Variants in MLXIPL observed in about 807,000 individuals in gnomAD.
The protein encoded by MLXIPL is MLX interacting protein like, also known as carbohydrate-responsive element-binding protein.
MLXIPL carries 49 observed loss-of-function variants against 81.5 expected under a neutral mutation model. The ratio of observed to expected loss-of-function variants is 0.60; its 90% CI spans 0.48 to 0.76. The LOEUF (loss-of-function observed/expected upper bound fraction) is 0.76, where lower values mean the gene tolerates loss of function less well. MLXIPL is among the 30% of genes least tolerant of loss of function. The pLI is 0.00. For synonymous variants in MLXIPL, 466 were observed against 485.5 expected (o/e 0.96, Z 0.53); for missense variants, 1,053 against 1,167.0 (o/e 0.90, Z 1.42).
chr7:73,605,880 C>T lies in MLXIPL; in HGVS notation c.820+30G>A, dbSNP rs6967107. 4 of 1,567,708 alleles carry T rather than the reference C, an allele frequency of 2.6e-6. No individual in the cohort carries two copies. In the Admixed American group the frequency reaches 7.6e-5, roughly 30 times the overall value. On this transcript the variant is annotated intron_variant, in intron 6 of 16. Transcript: ENST00000313375. ...TCCTGGAATCTCACAGGCCTTCACC[C>T]CTCTCCCCTGCCCTTTCTCAGACCC...
chr7:73,609,510 A>T (rs2116390968), intron 2 of MLXIPL: 1 of 151,998 alleles, frequency 6.6e-6, no homozygotes, highest in Admixed American at 6.6e-5. Flanking sequence ...CTCCCAAAGC[A>T]CTGGGATTAC....
chr7:73,620,871 T>G (rs1231085249), intron 1 of MLXIPL, among the ~76,000 whole-genome samples: 1 of 151,954 alleles, frequency 6.6e-6, no homozygotes, highest in Admixed American at 6.6e-5. Flanking sequence ...GCCAACATGG[T>G]GAAACCTCGT....
In MLXIPL at chr7:73,602,605, G is replaced by A. The variant is rs144013722; in HGVS notation, c.902-2910C>T. 8.1e-3 allele frequency among the ~76,000 whole-genome samples: 1,227 copies of A among 152,090 alleles called. 18 individuals carry two copies. Among genetic ancestry groups the A allele is most frequent in the African/African-American group, 0.028 (1,152 of 41,508 alleles). The stretch of plus-strand genomic sequence containing the variant: ...TGAGACAGGAGAATTGCTTGAACCC[G>A]GGAGGTGGGGGTTGCAGTGAGCCAA... On this transcript the variant is annotated intron_variant, in intron 7 of 16. Coordinates refer to ENST00000313375, the MANE Select transcript of MLXIPL (RefSeq NM_032951.3).
At chr7:73,614,593 T>G in intron 2 of MLXIPL, among the ~76,000 whole-genome samples, 1 of 152,166 alleles carries the variant, frequency 6.6e-6, no homozygotes, top group East Asian at 1.9e-4. Flanking sequence ...GAACCTGACC[T>G]GAATGAGGTC....
At chr7:73,616,872 A>C in intron 1 of MLXIPL, among the ~76,000 whole-genome samples, 1 of 144,508 alleles carries the variant, frequency 6.9e-6, no homozygotes, top group Non-Finnish European at 1.5e-5. Context: ...AAAAAAAAAG[A>C]CCTTCCTGAG....
Position 73,617,705 on chromosome 7 carries a change from G to A in MLXIPL, c.294-1528C>T, listed in dbSNP as rs72649047. Reference sequence around the variant, plus strand: ...ACAAAATAATTTTAAAATTAGCCGGGTGTGGTGGCATGCACCTATAGTCCT... The same window carrying A: ...ACAAAATAATTTTAAAATTAGCCGGATGTGGTGGCATGCACCTATAGTCCT... On this transcript the variant is annotated intron_variant, in intron 1 of 16. Coordinates refer to ENST00000313375, the MANE Select transcript of MLXIPL (RefSeq NM_032951.3). 5.9e-3 allele frequency among the ~76,000 whole-genome samples: 890 copies of A among 152,132 alleles called. 1 individual carries two copies. Among genetic ancestry groups the A allele is most frequent in the Non-Finnish European group, 8.9e-3 (602 of 67,976 alleles).
intron 7 of MLXIPL, among the ~76,000 whole-genome samples, chr7:73,605,073 T>C (rs1185465561): frequency 1.3e-5 from 2 of 151,462 alleles, no homozygotes; most frequent in Non-Finnish European, 2.9e-5. Context: ...GCCTAGCAAA[T>C]AGTTTTAAAA....
chr7:73,635,625 T>C, the MLXIPL span, among the ~76,000 whole-genome samples: 1 of 151,812 alleles, frequency 6.6e-6, no homozygotes, highest in East Asian at 1.9e-4. Context: ...TCTCTCTCCA[T>C]CCACCCATCT....
the MLXIPL span, among the ~76,000 whole-genome samples, chr7:73,630,191 G>T: frequency 6.6e-6 from 1 of 150,500 alleles, no homozygotes; most frequent in African/African-American, 2.4e-5. Flanking sequence ...TACAGGCGGG[G>T]TTTCACTGTG....
chr7:73,596,956 G>A lies in MLXIPL; in HGVS notation c.1604-24C>T, dbSNP rs372267700. ...AGCTGTGCACGGGCAGAACCGTGAG[G>A]CTACTGGGGCTGGCCCACCCCCGGC... On this transcript the variant is annotated intron_variant, in intron 9 of 16. Coordinates refer to ENST00000313375, the MANE Select transcript of MLXIPL (RefSeq NM_032951.3). This position sits in a 1 kb window ranked among gnomAD's most constrained non-coding sequence, Gnocchi z 4.7. 4 of 1,599,688 alleles carry A rather than the reference G, an allele frequency of 2.5e-6. No individual in the cohort carries two copies. In the African/African-American group the frequency reaches 5.4e-5, roughly 21 times the overall value.
At chr7:73,599,003 G>A (rs910161015) in intron 8 of MLXIPL, among the ~76,000 whole-genome samples, 8 of 151,374 alleles carry the variant, frequency 5.3e-5, no homozygotes, top group African/African-American at 1.9e-4. Context: ...GGGAGGCGGA[G>A]GTTACAGTGA....
At position 73,624,284 on chromosome 7, in the gene MLXIPL, C is replaced by T. The variant is rs377214079; in HGVS notation, c.209G>A (p.Gly70Glu). The T allele has an allele frequency of 1.3e-6, 2 of 1,587,576 alleles. No homozygotes were observed. The highest frequency in any genetic ancestry group is 1.7e-6 in the Non-Finnish European group (2 of 1,168,662). ...DSLPRRRDQE[G>E]SVGPSDFGPR... The stretch of plus-strand genomic sequence containing the variant: ...CCCGAAGTCGGAGGGCCCCACGGAC[C>T]CCTCCTGGTCGCGCCGCCGGGGCAG... Residue 70 changes from glycine (G) to glutamate (E), a missense_variant, in exon 1 of 17, where the codon GGG becomes GAG. Physicochemically the swap from Gly to Glu is moderately conservative, Grantham distance 98 (BLOSUM62 -2). Transcript: ENST00000313375.
chr7:73,641,631 A>G, the MLXIPL span, among the ~76,000 whole-genome samples: 3 of 151,902 alleles, frequency 2.0e-5, no homozygotes, highest in Non-Finnish European at 2.9e-5. Context: ...CAATTCTGAC[A>G]CTTTTTTTTG....
rs782795977 is a variant in MLXIPL at position 73,599,638 on chromosome 7, G to A, written c.959C>T (p.Pro320Leu). The change falls in exon 8 of 17, where the codon CCC becomes CTC. Residue 320 changes from proline (P) to leucine (L), a missense_variant. Transcript: ENST00000313375. ...GTCAACCACGGGGCTGAAGCTGGGG[G>A]GCTCTGGGAAGTTTGAAGGCATGGG... ...QPPMPSNFPE[P>L]PSFSPVVDSL... is the part of the protein sequence containing the mutation. 6.2e-7 allele frequency: 1 copy of A among 1,609,186 alleles called. No homozygotes were observed. Among genetic ancestry groups the A allele is most frequent in the Non-Finnish European group, 8.5e-7 (1 of 1,177,406 alleles).
At chr7:73,642,151 A>G in the MLXIPL span, among the ~76,000 whole-genome samples, 2 of 152,090 alleles carry the variant, frequency 1.3e-5, no homozygotes, top group Non-Finnish European at 2.9e-5. Context: ...TTTTACTTAC[A>G]TTTATCAGTT....
At position 73,596,364 on chromosome 7, in the gene MLXIPL, C is replaced by T; in HGVS notation, c.1938G>A (p.Lys646=). The T allele has an allele frequency of 6.2e-7, 1 of 1,610,966 alleles. No individual in the cohort carries two copies. The highest frequency in any genetic ancestry group is 1.1e-5 in the South Asian group (1 of 90,972). Residue 646 remains lysine (K), a splice_region_variant and synonymous_variant, in exon 12 of 17, where the codon AAG becomes AAA. Coordinates refer to ENST00000313375, the MANE Select transcript of MLXIPL (RefSeq NM_032951.3). The surrounding 1 kb of genome is among the most constrained non-coding windows in gnomAD (Gnocchi z 4.7). Reference sequence around the variant, plus strand: ...TCTTGGGGTGGGGGATGGTGCCCACCTTGTTGCTGTCTGGACGGCCCCGGC... The same window carrying T: ...TCTTGGGGTGGGGGATGGTGCCCACTTTGTTGCTGTCTGGACGGCCCCGGC... ...ILSRGRPDSN[K]TENRRITHIS...
rs1795992079 is a variant in MLXIPL at position 73,616,080 on chromosome 7, A to G, written c.391T>C (p.Tyr131His). ...RLNNAIWRAWYIQYVKRRKSP... is the reference protein window; with the variant it reads ...RLNNAIWRAWHIQYVKRRKSP... ...GGTGGTAGCCACTCACACTGGATAT[A>G]CCAGGCCCTCCAGATGGCGTTGTTC... The change falls in exon 2 of 17, where the codon TAT becomes CAT. Residue 131 changes from tyrosine (Y) to histidine (H), a missense_variant. By Grantham distance (83) the Tyr-to-His change is moderately conservative. Around this residue, in one of 3 missense-constraint regions of MLXIPL, gnomAD observed 226 missense variants for 216.2 expected, o/e 1.05. Transcript: ENST00000313375. The G allele has an allele frequency of 6.2e-7, 1 of 1,613,624 alleles. No homozygotes were observed. The highest frequency in any genetic ancestry group is 1.1e-5 in the South Asian group (1 of 91,078).
intron 1 of MLXIPL, among the ~76,000 whole-genome samples, chr7:73,621,052 AAAATAAAT>A (rs4027532): frequency 6.1e-4 from 90 of 148,752 alleles, no homozygotes; most frequent in East Asian, 1.8e-3. Flanking sequence ...TCTGTCTCCA[AAAATAAAT>A]AAATAAATAA....
intron 1 of MLXIPL, 57 bp downstream of exon 1, chr7:73,624,143 C>T (rs1164207679): frequency 2.3e-5 from 7 of 302,532 alleles, no homozygotes; most frequent in Non-Finnish European, 3.3e-5. Flanking sequence ...CTGCCCCGGA[C>T]CCCCCCCCCA....
Sources: allele counts gnomAD v4.1 joint callset (sites outside exome capture counted in the v4.1 genomes callset), GRCh38; gene constraint gnomAD v4.1.1; regional missense constraint gnomAD v4.1.1; non-coding constraint Gnocchi (gnomAD v3.1); transcripts MANE v1.5; gene names NCBI Gene and HGNC (gene_info 2026-07-23, HGNC 2026-07-21).